The following ARHGAP28 variants were observed in gnomAD, a reference collection of about 807,000 sequenced individuals.
ARHGAP28 encodes the protein Rho GTPase activating protein 28.
In ARHGAP28, 56 loss-of-function variants were observed where a neutral mutation model predicts 90.7. The observed-to-expected ratio is 0.62, with a 90% CI of 0.50 to 0.77. The LOEUF (loss-of-function observed/expected upper bound fraction) is 0.77. ARHGAP28 is among the 30% of genes least tolerant of loss of function. The probability of loss-of-function intolerance (pLI) is 0.00; values close to 1 mark genes in which losing one functional copy is unlikely to be tolerated. For missense variants in ARHGAP28, 869 were observed against 900.9 expected (o/e 0.96, Z 0.45); for synonymous variants, 308 against 323.3 (o/e 0.95, Z 0.51).
intron 1 of ARHGAP28, among the ~76,000 whole-genome samples, chr18:6,753,601 A>T (rs1391982456): frequency 6.6e-6 from 1 of 152,254 alleles, no homozygotes; most frequent in African/African-American, 2.4e-5. Flanking sequence ...TTTGATGTTT[A>T]AAGATTATTC....
rs893416813 is a variant in ARHGAP28, at chr18:6,888,576, A to G, written c.1537-1312A>G. Among the ~76,000 whole-genome samples the G allele has an allele frequency of 3.3e-5, 5 of 152,204 alleles. No individual in the cohort carries two copies. The East Asian group carries it at 7.7e-4, about 23-fold the overall frequency. On this transcript the variant is annotated intron_variant, in intron 12 of 17. Transcript: ENST00000383472. ...AAATGTCCTTTTCTAATATAATTCA[A>G]TAATTTTTCAAAAACTGAAAATTTA...
intron 1 of ARHGAP28, among the ~76,000 whole-genome samples, chr18:6,743,987 C>T (rs368154230): frequency 6.6e-6 from 1 of 152,034 alleles, no homozygotes; most frequent in South Asian, 2.1e-4. Context: ...TTTTAGCCTA[C>T]TGGCCCAGAA....
intron 1 of ARHGAP28, among the ~76,000 whole-genome samples, chr18:6,814,551 G>T (rs949862772): frequency 6.6e-6 from 1 of 152,154 alleles, no homozygotes; most frequent in Admixed American, 6.5e-5. Context: ...AGAAGAAACA[G>T]GGGCTAAATG....
At chr18:6,816,974 C>T (rs2056595364) in intron 1 of ARHGAP28, among the ~76,000 whole-genome samples, 1 of 151,936 alleles carries the variant, frequency 6.6e-6, no homozygotes, top group Non-Finnish European at 1.5e-5. Context: ...CCTGTAGTCC[C>T]AGCTACTTGG....
chr18:6,837,050 C>T, intron 2 of ARHGAP28, 147 bp from the exon 3 acceptor site: 2 of 651,058 alleles, frequency 3.1e-6, no homozygotes, highest in Non-Finnish European at 5.2e-6. Flanking sequence ...ACAGTGCAGA[C>T]TTTCATTCAT....
At position 6,761,995 on chromosome 18, in the gene ARHGAP28, A is replaced by G. The variant is rs944371244; in HGVS notation, c.122+32052A>G. Reference sequence around the variant, plus strand: ...TACAGGCAGTTCCACAGGTTTCTCAAGTCCAATTTTTACTTTGTCATCTCT... The same window carrying G: ...TACAGGCAGTTCCACAGGTTTCTCAGGTCCAATTTTTACTTTGTCATCTCT... On this transcript the variant is annotated intron_variant, in intron 1 of 17. Coordinates refer to ENST00000383472, the MANE Select transcript of ARHGAP28 (RefSeq NM_001366230.1). 4.6e-5 allele frequency among the ~76,000 whole-genome samples: 7 copies of G among 152,260 alleles called. 2 individuals carry two copies.
At chr18:6,888,294 T>C (rs1242125948) in intron 12 of ARHGAP28, among the ~76,000 whole-genome samples, 1 of 152,200 alleles carries the variant, frequency 6.6e-6, no homozygotes, top group East Asian at 1.9e-4. Context: ...AATAGGAAAT[T>C]TGTTTTAAGT....
chr18:6,884,145 T>C (rs1360509879), intron 11 of ARHGAP28, among the ~76,000 whole-genome samples: 3 of 151,908 alleles, frequency 2.0e-5, no homozygotes, highest in Non-Finnish European at 4.4e-5. Flanking sequence ...GAGGCTGAGG[T>C]GGGCAGATCA....
chr18:6,886,813 T>G (rs1052459761), intron 11 of ARHGAP28, among the ~76,000 whole-genome samples: 3 of 152,334 alleles, frequency 2.0e-5, no homozygotes, highest in Non-Finnish European at 4.4e-5. Flanking sequence ...GAAGCAAGGT[T>G]TATTTTCTCT....
chr18:6,899,872 G>A (rs1428296056), intron 16 of ARHGAP28, among the ~76,000 whole-genome samples: 1 of 152,118 alleles, frequency 6.6e-6, no homozygotes, highest in Non-Finnish European at 1.5e-5. Context: ...AGCCCCAGTG[G>A]GGAGCTGAGC....
intron 1 of ARHGAP28, among the ~76,000 whole-genome samples, chr18:6,782,594 T>A (rs961817383): frequency 2.2e-5 from 1 of 45,090 alleles, no homozygotes; most frequent in Admixed American, 2.0e-4. Flanking sequence ...ATTTTTGTAT[T>A]TTTTTTTTTT....
intron 13 of ARHGAP28, 94 bp downstream of exon 13, chr18:6,890,179 GA>G: frequency 7.2e-7 from 1 of 1,395,176 alleles, no homozygotes; most frequent in Non-Finnish European, 1.0e-6. Flanking sequence ...TGGTCATAGG[GA>G]AGAAATATGA....
intron 1 of ARHGAP28, among the ~76,000 whole-genome samples, chr18:6,736,672 A>G (rs545056916): frequency 6.0e-5 from 9 of 149,610 alleles, no homozygotes; most frequent in Admixed American, 1.3e-4. Context: ...ACTTGAACCC[A>G]GGAGGCGGAG....
chr18:6,817,553 G>A (rs76579383), intron 1 of ARHGAP28, among the ~76,000 whole-genome samples: 2,864 of 152,270 alleles, frequency 0.019, 89 homozygotes, highest in African/African-American at 0.065. Context: ...CAACAAAGAT[G>A]AGAGTAGGTT....
chr18:6,899,022 A>G (rs1421915423), intron 16 of ARHGAP28, among the ~76,000 whole-genome samples: 2 of 152,134 alleles, frequency 1.3e-5, no homozygotes, highest in African/African-American at 4.8e-5. Context: ...TTCCCAAAAA[A>G]CCTATGGAAA....
At chr18:6,879,128 G>A (rs959703235) in intron 10 of ARHGAP28, among the ~76,000 whole-genome samples, 4 of 152,148 alleles carry the variant, frequency 2.6e-5, no homozygotes, top group Admixed American at 6.5e-5. Flanking sequence ...CCAAGTCCCA[G>A]ACTTGAGGCC....
In ARHGAP28 at chr18:6,908,186, G is replaced by A. The variant is rs1271012638; in HGVS notation, c.2031-774G>A. Among the ~76,000 whole-genome samples, 4 of 151,774 alleles carry A rather than the reference G, an allele frequency of 2.6e-5. No homozygotes were observed. The South Asian group carries it at 6.3e-4, about 24-fold the overall frequency. ...GGAGTTTCACTCTGTCGCCCAGGCT[G>A]GAGTGCAATGGCACGATCTCCACCC... On this transcript the variant is annotated intron_variant, in intron 16 of 17. Transcript: ENST00000383472.
chr18:6,781,266 G>C (rs2056322189), intron 1 of ARHGAP28, among the ~76,000 whole-genome samples: 1 of 152,200 alleles, frequency 6.6e-6, no homozygotes, highest in Non-Finnish European at 1.5e-5. Context: ...ATTGGACACA[G>C]TGCTGCTGGG....
intron 1 of ARHGAP28, among the ~76,000 whole-genome samples, chr18:6,816,779 C>G (rs899816731): frequency 6.6e-6 from 1 of 152,018 alleles, no homozygotes; most frequent in African/African-American, 2.4e-5. Flanking sequence ...ATTTGGTAGC[C>G]CTTACAATTG....
Sources: allele counts gnomAD v4.1 joint callset (sites outside exome capture counted in the v4.1 genomes callset), GRCh38; gene constraint gnomAD v4.1.1; transcripts MANE v1.5; gene names NCBI Gene and HGNC (gene_info 2026-07-23, HGNC 2026-07-21).